CCDC192: variants seen among roughly 807,000 people sequenced by gnomAD.
CCDC192 encodes coiled-coil domain-containing protein 192.
intron 2 of CCDC192, among the ~76,000 whole-genome samples, chr5:127,725,052 G>A (rs1266174057): frequency 6.6e-6 from 1 of 152,036 alleles, no homozygotes; most frequent in African/African-American, 2.4e-5. Flanking sequence ...TTTAATAAAA[G>A]TTAAACATAG....
intron 5 of CCDC192, among the ~76,000 whole-genome samples, chr5:127,852,946 C>T (rs184434989): frequency 4.8e-4 from 73 of 152,136 alleles, no homozygotes; most frequent in Middle Eastern, 3.4e-3. Flanking sequence ...AAAAATTAGC[C>T]GGGTGTGGTG....
intron 3 of CCDC192, among the ~76,000 whole-genome samples, chr5:127,795,074 C>T (rs898831708): frequency 9.2e-5 from 14 of 152,072 alleles, no homozygotes. Flanking sequence ...GGGCGGATCA[C>T]TTGAGCTCAG....
intron 5 of CCDC192, among the ~76,000 whole-genome samples, chr5:127,858,244 C>T (rs1751188622): frequency 1.3e-5 from 2 of 152,238 alleles, no homozygotes; most frequent in African/African-American, 4.8e-5. Flanking sequence ...CACCAGGCTT[C>T]TGTCTGTCTT....
intron 6 of CCDC192, among the ~76,000 whole-genome samples, chr5:127,897,867 G>A (rs1429622728): frequency 1.3e-5 from 2 of 152,108 alleles, no homozygotes; most frequent in Non-Finnish European, 2.9e-5. Context: ...TATAAGTTAT[G>A]CTGCAGAAGT....
intron 2 of CCDC192, among the ~76,000 whole-genome samples, chr5:127,737,462 T>A (rs1489932740): frequency 6.6e-6 from 1 of 151,794 alleles, no homozygotes; most frequent in Non-Finnish European, 1.5e-5. Flanking sequence ...GGTGCAGAGC[T>A]GAGTTCAATT....
chr5:127,775,162 T>C (rs1436840060), intron 3 of CCDC192, among the ~76,000 whole-genome samples: 1 of 152,166 alleles, frequency 6.6e-6, no homozygotes, highest in Non-Finnish European at 1.5e-5. Context: ...GGCTAGCCAA[T>C]TCCTAGAAAT....
intron 6 of CCDC192, among the ~76,000 whole-genome samples, chr5:127,879,227 A>T (rs1301608932): frequency 4.0e-5 from 6 of 150,590 alleles, no homozygotes; most frequent in East Asian, 2.0e-4. Context: ...TGGTACTGGT[A>T]CCAAAACAGA....
intron 2 of CCDC192, among the ~76,000 whole-genome samples, chr5:127,712,836 G>C (rs1187223746): frequency 6.6e-6 from 1 of 152,164 alleles, no homozygotes; most frequent in African/African-American, 2.4e-5. Context: ...CTGCTAAACT[G>C]TTTTCCAAAG....
Position 127,802,259 on chromosome 5 carries a change from A to G in CCDC192, c.411+4097A>G, listed in dbSNP as rs79513542. Among the ~76,000 whole-genome samples, 195 of 152,260 alleles carry G rather than the reference A, an allele frequency of 1.3e-3. 1 individual carries two copies. The highest frequency in any genetic ancestry group is 4.5e-3 in the African/African-American group (186 of 41,544). Reference sequence around the variant, plus strand: ...GGGCTGGGTGCATTGTAGCTACTCAATACATTTTGCTGAATTGCATTGAAT... The same window carrying G: ...GGGCTGGGTGCATTGTAGCTACTCAGTACATTTTGCTGAATTGCATTGAAT... On this transcript the variant is annotated intron_variant, in intron 5 of 6. Coordinates refer to ENST00000514853, the MANE Select transcript of CCDC192 (RefSeq NM_001317938.2).
rs754591491 is a variant in CCDC192 at position 127,920,702 on chromosome 5, C to T, written c.536-20480C>T. On this transcript the variant is annotated intron_variant, in intron 6 of 6. Coordinates refer to ENST00000514853, the MANE Select transcript of CCDC192 (RefSeq NM_001317938.2). ...CTAGGATTACAGGCATGAGCCACCGCGCCCGGCTGCTAAAGAGGTATTAAT... is the reference window on the plus strand; with the variant it reads ...CTAGGATTACAGGCATGAGCCACCGTGCCCGGCTGCTAAAGAGGTATTAAT... 5.3e-5 allele frequency among the ~76,000 whole-genome samples: 8 copies of T among 152,072 alleles called. No homozygotes were observed. The East Asian group carries it at 7.8e-4, about 15-fold the overall frequency.
At chr5:127,787,404 G>A (rs568406898) in intron 3 of CCDC192, among the ~76,000 whole-genome samples, 2 of 152,146 alleles carry the variant, frequency 1.3e-5, no homozygotes, top group African/African-American at 2.4e-5. Context: ...CCGCCACCTC[G>A]TCCCATAAGT....
chr5:127,729,690 C>A (rs984032577), intron 2 of CCDC192, among the ~76,000 whole-genome samples: 1 of 152,134 alleles, frequency 6.6e-6, no homozygotes, highest in Non-Finnish European at 1.5e-5. Context: ...ACAGCACAAT[C>A]AAATTAGAAC....
chr5:127,732,452 G>A (rs769946817), intron 2 of CCDC192, among the ~76,000 whole-genome samples: 5 of 151,788 alleles, frequency 3.3e-5, no homozygotes, highest in African/African-American at 1.2e-4. Flanking sequence ...TCAAAGACAT[G>A]TAACAAGAAA....
intron 3 of CCDC192, among the ~76,000 whole-genome samples, chr5:127,795,956 C>T (rs1757143802): frequency 6.6e-6 from 1 of 152,054 alleles, no homozygotes; most frequent in African/African-American, 2.4e-5. Flanking sequence ...CACCAAGAGC[C>T]AAAAGGCATG....
At chr5:127,744,208 C>T (rs1378774092) in intron 2 of CCDC192, among the ~76,000 whole-genome samples, 1 of 150,376 alleles carries the variant, frequency 6.6e-6, no homozygotes, top group Non-Finnish European at 1.5e-5. Context: ...GAAAGGGGAG[C>T]GGGGAGAGAT....
Position 127,773,859 on chromosome 5 carries a change from A to G in CCDC192, c.222+19484A>G, listed in dbSNP as rs142305135. ...ACCAATTATTTTCCACATTGCCTGT[A>G]ACATATTACATTCTTACCAGCAATG... On this transcript the variant is annotated intron_variant, in intron 3 of 6. Transcript: ENST00000514853. Among the ~76,000 whole-genome samples, 137 of 152,320 alleles carry G rather than the reference A, an allele frequency of 9.0e-4. No homozygotes were observed. In the Middle Eastern group the frequency reaches 0.031, roughly 34 times the overall value.
intron 6 of CCDC192, among the ~76,000 whole-genome samples, chr5:127,881,314 G>A (rs1421002156): frequency 6.6e-6 from 1 of 152,188 alleles, no homozygotes; most frequent in Non-Finnish European, 1.5e-5. Flanking sequence ...TTGTTACCTA[G>A]ATTAATATTC....
intron 2 of CCDC192, chr5:127,740,436 T>C (rs1753345540): frequency 6.6e-6 from 1 of 152,184 alleles, no homozygotes; most frequent in Non-Finnish European, 1.5e-5. Context: ...CTCCTTCAGA[T>C]CTTGGTAAAG....
chr5:127,737,240 T>G (rs979284170), intron 2 of CCDC192, among the ~76,000 whole-genome samples: 1 of 152,124 alleles, frequency 6.6e-6, no homozygotes, highest in Non-Finnish European at 1.5e-5. Context: ...TTGAGCGGTT[T>G]TTAGTGAGAT....
Sources: allele counts gnomAD v4.1 joint callset (sites outside exome capture counted in the v4.1 genomes callset), GRCh38; gene constraint gnomAD v4.1.1; transcripts MANE v1.5; gene names NCBI Gene and HGNC (gene_info 2026-07-23, HGNC 2026-07-21).